CNTNAP1: variants seen among roughly 807,000 people sequenced by gnomAD.
CNTNAP1 encodes contactin-associated protein 1.
Under a neutral mutation model 161.5 loss-of-function variants are expected in CNTNAP1, and 80 were observed. The observed-to-expected ratio is 0.50, with a 90% CI of 0.41 to 0.60. The LOEUF (loss-of-function observed/expected upper bound fraction) is 0.60. CNTNAP1 is among the 20% of genes least tolerant of loss of function. CNTNAP1 has a pLI of 0.00. For missense variants in CNTNAP1, 1,464 were observed against 1,854.8 expected (o/e 0.79, Z 3.87); for synonymous variants, 695 against 733.1 (o/e 0.95, Z 0.84).
Position 42,687,846 on chromosome 17 carries a change from A to C in CNTNAP1, c.1171A>C (p.Thr391Pro). ...GRLAVSFRFRTWDLTGLLLFS... is the reference protein window; with the variant it reads ...GRLAVSFRFRPWDLTGLLLFS... ...CCTGGCAGTCTCATTTCGCTTCCGC[A>C]CCTGGGACCTCACCGGGCTTCTCCT... The change falls in exon 8 of 24, where the codon ACC becomes CCC. Residue 391 changes from threonine to proline, a missense_variant. Around this residue, in one of 3 missense-constraint regions of CNTNAP1, gnomAD observed 1,383 missense variants for 1,765.0 expected, o/e 0.78. Coordinates refer to ENST00000264638, the MANE Select transcript of CNTNAP1 (RefSeq NM_003632.3). The surrounding 1 kb of genome is among the most constrained non-coding windows in gnomAD (Gnocchi z 4.7). The C allele has an allele frequency of 1.2e-6, 2 of 1,614,150 alleles. No homozygotes were observed. Among genetic ancestry groups the C allele is most frequent in the Non-Finnish European group, 1.7e-6 (2 of 1,180,026 alleles).
Position 42,686,481 on chromosome 17 carries a change from T to TTTTTTTG in CNTNAP1, c.900+346_900+347insGTTTTTT, listed in dbSNP as rs1567970545. Among the ~76,000 whole-genome samples the TTTTTTTG allele has an allele frequency of 1.8e-4, 17 of 93,924 alleles. 1 individual carries two copies. Among genetic ancestry groups the TTTTTTTG allele is most frequent in the African/African-American group, 5.8e-4 (17 of 29,200 alleles). 61.6% of individuals were successfully genotyped at this position (93,924 alleles called of 152,430 possible). A position where few individuals can be genotyped will look rare whatever the true frequency, so the allele number is the denominator to read the frequency against. On this transcript the variant is annotated intron_variant, in intron 6 of 23. Transcript: ENST00000264638. ...CAGAAAAAGGCCTGTTTTTTTTTTT[T>TTTTTTTG]TTTTTTTTTTTTGTGGGTGTTGTTG...
chr17:42,683,697 G>C, intron 1 of CNTNAP1, 124 bp from the exon 2 acceptor site: 1 of 1,471,416 alleles, frequency 6.8e-7, no homozygotes, highest in Non-Finnish European at 9.0e-7. Flanking sequence ...AGGTAGGGCT[G>C]GGTGTGCCTC....
intron 6 of CNTNAP1, 59 bp from the exon 7 acceptor site, chr17:42,686,844 G>T: frequency 1.3e-6 from 2 of 1,527,668 alleles, no homozygotes; most frequent in South Asian, 1.2e-5. Flanking sequence ...GCGGGGACGC[G>T]CGAGAAAGGC....
Position 42,690,917 on chromosome 17 carries a change from C to A in CNTNAP1, c.2034C>A (p.Tyr678Ter). 1 of 1,614,192 alleles carries A rather than the reference C, an allele frequency of 6.2e-7. No individual in the cohort carries two copies. Among genetic ancestry groups the A allele is most frequent in the South Asian group, 1.1e-5 (1 of 91,088 alleles). The change falls in exon 13 of 24, where the codon TAC (tyrosine) becomes TAA (stop). Residue 678 changes from tyrosine (Y) to a stop codon, truncating the protein, a stop_gained. Transcript: ENST00000264638. LOFTEE classifies it high-confidence loss of function. ...AACAGTGGATCGAGTTCTCCTGCTA[C>A]AATTCCCGGCTGCTCAACACTGCAG... ...HCEQWIEFSC[Y>*]NSRLLNTAGG...
chr17:42,682,591 T>G lies in CNTNAP1; in HGVS notation c.-239T>G, dbSNP rs1597801875. 1.5e-4 allele frequency: 76 copies of G among 497,280 alleles called. No individual in the cohort carries two copies. Among genetic ancestry groups the G allele is most frequent in the South Asian group, 2.0e-4 (8 of 40,896 alleles). 30.8% of individuals were successfully genotyped at this position (497,280 alleles called of 1,614,324 possible). On this transcript the variant is annotated 5_prime_UTR_variant, in exon 1 of 24. Transcript: ENST00000264638. ...AGGGGGGAGGTGAGAGGAAAGAGGGTGGAAAGGAGAGGATAGAGAGAGAAG... is the reference window on the plus strand; with the variant it reads ...AGGGGGGAGGTGAGAGGAAAGAGGGGGGAAAGGAGAGGATAGAGAGAGAAG...
At position 42,687,024 on chromosome 17, in the gene CNTNAP1, G is replaced by A; in HGVS notation, c.1022G>A (p.Arg341His). The stretch of plus-strand genomic sequence containing the variant: ...AACATCGCAGACCTGGCCGTGCGGC[G>A]CCATTCCCGGATCACCTTCGAGGCC... ...RVNIADLAVR[R>H]HSRITFEGKV... The change falls in exon 7 of 24, where the codon CGC becomes CAC. Residue 341 changes from arginine to histidine, a missense_variant. Coordinates refer to ENST00000264638, the MANE Select transcript of CNTNAP1 (RefSeq NM_003632.3). The surrounding 1 kb of genome is among the most constrained non-coding windows in gnomAD (Gnocchi z 4.7). 3 of 1,613,448 alleles carry A rather than the reference G, an allele frequency of 1.9e-6. No homozygotes were observed. The highest frequency in any genetic ancestry group is 1.7e-6 in the Non-Finnish European group (2 of 1,179,516).
At chr17:42,690,716 C>T in intron 12 of CNTNAP1, 23 bp from the exon 13 acceptor site, 1 of 1,608,538 alleles carries the variant, frequency 6.2e-7, no homozygotes, top group Non-Finnish European at 8.5e-7. Flanking sequence ...CCAGCCAAAG[C>T]TCTGTCCCCT....
chr17:42,692,765 C>T, intron 17 of CNTNAP1, 45 bp downstream of exon 17: 2 of 1,538,798 alleles, frequency 1.3e-6, no homozygotes, highest in Middle Eastern at 2.3e-4. Flanking sequence ...CTTTACCTCC[C>T]CATCCTCCAA....
In CNTNAP1 at chr17:42,685,456, C is replaced by T. The variant is rs749687032; in HGVS notation, c.715+36C>T. On this transcript the variant is annotated intron_variant, in intron 5 of 23. Coordinates refer to ENST00000264638, the MANE Select transcript of CNTNAP1 (RefSeq NM_003632.3). This position sits in a 1 kb window ranked among gnomAD's most constrained non-coding sequence, Gnocchi z 5.0. ...CGACCATGTGCGATGCGGAGCCAAC[C>T]CCTGAAGCTCTCTCACCGCCCTCCT... 3.2e-6 allele frequency: 5 copies of T among 1,570,376 alleles called. No individual in the cohort carries two copies. Among genetic ancestry groups the T allele is most frequent in the Non-Finnish European group, 4.3e-6 (5 of 1,159,986 alleles).
At position 42,691,808 on chromosome 17, in the gene CNTNAP1, A is replaced by G. The variant is rs1380659269; in HGVS notation, c.2347A>G (p.Asn783Asp). The G allele has an allele frequency of 6.2e-7, 1 of 1,613,446 alleles. No homozygotes were observed. The highest frequency in any genetic ancestry group is 1.3e-5 in the African/African-American group (1 of 74,786). ...LRPLRCYGDR[N>D]SWNTISFHTG... ...CCTTCCTCCATCTGCTTTTCTAGGA[A>G]ATTCCTGGAACACCATTTCCTTCCA... Residue 783 changes from asparagine (N) to aspartate (D), a missense_variant and splice_region_variant, in exon 16 of 24, where the codon AAT becomes GAT. Physicochemically the swap from Asn to Asp is conservative, Grantham distance 23 (BLOSUM62 1). This residue lies in a region of CNTNAP1 where 1,383 missense variants were observed against 1,765.0 expected (regional missense o/e 0.78). Transcript: ENST00000264638. This position sits in a 1 kb window ranked among gnomAD's most constrained non-coding sequence, Gnocchi z 4.3.
chr17:42,689,628 G>A lies in CNTNAP1; in HGVS notation c.1735+1G>A, dbSNP rs1159275615. 3.1e-6 allele frequency: 5 copies of A among 1,612,972 alleles called. No individual in the cohort carries two copies. Among genetic ancestry groups the A allele is most frequent in the Non-Finnish European group, 3.4e-6 (4 of 1,179,084 alleles). ...TACAAGGGAGAGACCTGCCACACAC[G>A]TAAGCCAGATGTGGTATGGGGGGAG... On this transcript the variant is annotated splice_donor_variant, in intron 11 of 23. Transcript: ENST00000264638. LOFTEE classifies it high-confidence loss of function.
At chr17:42,684,742 G>A (rs1200919610) in intron 3 of CNTNAP1, among the ~76,000 whole-genome samples, 1 of 151,734 alleles carries the variant, frequency 6.6e-6, no homozygotes, top group Non-Finnish European at 1.5e-5. Flanking sequence ...TGGCCAACAT[G>A]GTGAAACCCC....
rs554149468 is a variant in CNTNAP1, at chr17:42,698,114, G to C, written c.3862+164G>C. Among the ~76,000 whole-genome samples, 284 of 151,988 alleles carry C rather than the reference G, an allele frequency of 1.9e-3. 3 individuals are homozygous for C. In the South Asian group the frequency reaches 0.02, roughly 11 times the overall value. ...CTATGCTGAAGGTGCCATATAACTG[G>C]GCAGAGATTTTTAGATGTTTGAGGA... On this transcript the variant is annotated intron_variant, in intron 23 of 23. Coordinates refer to ENST00000264638, the MANE Select transcript of CNTNAP1 (RefSeq NM_003632.3).
At chr17:42,697,874 T>A in intron 22 of CNTNAP1, 29 bp from the exon 23 acceptor site, 1 of 1,614,048 alleles carries the variant, frequency 6.2e-7, no homozygotes, top group Non-Finnish European at 8.5e-7. Context: ...GGAGGAGGCA[T>A]CTCCTAACTG....
rs140596928 is a variant in CNTNAP1 at position 42,693,402 on chromosome 17, C to T, written c.2858C>T (p.Thr953Ile). 8 of 1,614,212 alleles carry T rather than the reference C, an allele frequency of 5.0e-6. No homozygotes were observed. The African/African-American group carries it at 6.7e-5, about 13-fold the overall frequency. Residue 953 changes from threonine to isoleucine, a missense_variant, in exon 18 of 24, where the codon ACC becomes ATC. This residue lies in a region of CNTNAP1 where 1,383 missense variants were observed against 1,765.0 expected (regional missense o/e 0.78). Coordinates refer to ENST00000264638, the MANE Select transcript of CNTNAP1 (RefSeq NM_003632.3). Reference sequence around the variant, plus strand: ...GGCCGTGCCAATGCCTCTGAGGGTACCTCACCCAACTGCACAGGCCACTGT... The same window carrying T: ...GGCCGTGCCAATGCCTCTGAGGGTATCTCACCCAACTGCACAGGCCACTGT... ...LEGRANASEG[T>I]SPNCTGHCAH... is the part of the protein sequence containing the mutation.
intron 18 of CNTNAP1, 139 bp downstream of exon 18, chr17:42,693,675 G>C (rs770127651): frequency 4.6e-6 from 6 of 1,293,406 alleles, no homozygotes; most frequent in Non-Finnish European, 6.4e-6. Context: ...CTGAGTTTGG[G>C]GAGTTAGGCA....
Position 42,691,982 on chromosome 17 carries a change from G to A in CNTNAP1, c.2521G>A (p.Glu841Lys). 2 of 1,613,706 alleles carry A rather than the reference G, an allele frequency of 1.2e-6. No homozygotes were observed. The highest frequency in any genetic ancestry group is 2.2e-5 in the South Asian group (2 of 91,068). ...CQWRRPYVRV[E>K]LNTSRDVVFA... ...GTGGCGCCGACCTTATGTGCGGGTG[G>A]AACTCAACAGTGAGCAGGCAGACTG... Residue 841 changes from glutamate to lysine, a missense_variant, in exon 16 of 24, where the codon GAA becomes AAA. Glu to Lys is a moderately conservative substitution (Grantham distance 56, BLOSUM62 1). Around this residue, in one of 3 missense-constraint regions of CNTNAP1, gnomAD observed 1,383 missense variants for 1,765.0 expected, o/e 0.78. Coordinates refer to ENST00000264638, the MANE Select transcript of CNTNAP1 (RefSeq NM_003632.3). The surrounding 1 kb of genome is among the most constrained non-coding windows in gnomAD (Gnocchi z 4.3).
At position 42,687,223 on chromosome 17, in the gene CNTNAP1, C is replaced by A; in HGVS notation, c.1044+177C>A. 1.3e-6 allele frequency: 1 copy of A among 759,844 alleles called. No homozygotes were observed. 47.1% of individuals were successfully genotyped at this position (759,844 alleles called of 1,614,324 possible). A position where few individuals can be genotyped will look rare whatever the true frequency, so the allele number is the denominator to read the frequency against. On this transcript the variant is annotated intron_variant, in intron 7 of 23. Transcript: ENST00000264638. The surrounding 1 kb of genome is among the most constrained non-coding windows in gnomAD (Gnocchi z 4.7). Reference sequence around the variant, plus strand: ...CCTGAGGTGCATGAGCCACGCAGGCCCCTAGTTAAGAAGCAGTGGTCGGGT... The same window carrying A: ...CCTGAGGTGCATGAGCCACGCAGGCACCTAGTTAAGAAGCAGTGGTCGGGT...
At chr17:42,683,353 T>C in intron 1 of CNTNAP1, 1 of 1,083,656 alleles carries the variant, frequency 9.2e-7, no homozygotes, top group Non-Finnish European at 1.1e-6. Flanking sequence ...CCCTGACTGA[T>C]GCTAAGGCTG....
Sources: gnomAD v4.1 joint callset for allele counts (sites outside exome capture counted in the v4.1 genomes callset) on GRCh38, gnomAD v4.1.1 for gene constraint, gnomAD v4.1.1 regional missense constraint, Gnocchi (gnomAD v3.1) non-coding constraint, MANE v1.5 for transcripts, NCBI Gene and HGNC (gene_info 2026-07-23, HGNC 2026-07-21) for gene names.